Variants in LMO4 observed in about 807,000 individuals in gnomAD.
LMO4 encodes the protein LIM domain transcription factor LMO4.
Under a neutral mutation model 18.5 loss-of-function variants are expected in LMO4, and 3 were observed. That is an observed-to-expected ratio of 0.16 (90% CI 0.07 to 0.42). LMO4 has a LOEUF of 0.42. Among genes scored for constraint, LMO4 ranks in the 10% least tolerant of loss-of-function variants. LMO4 has a pLI of 0.99. For synonymous variants in LMO4, 100 were observed against 88.1 expected (o/e 1.14, Z -0.76); for missense variants, 121 against 219.9 (o/e 0.55, Z 2.84).
chr1:87,340,763 A>G (rs1277102786), intron 4 of LMO4, among the ~76,000 whole-genome samples: 1 of 152,202 alleles, frequency 6.6e-6, no homozygotes, highest in East Asian at 1.9e-4. Flanking sequence ...CATTTGAATA[A>G]GTTATGGCTT....
intron 2 of LMO4, among the ~76,000 whole-genome samples, chr1:87,338,107 C>G (rs1490842981): frequency 6.6e-6 from 1 of 152,234 alleles, no homozygotes; most frequent in Non-Finnish European, 1.5e-5. Flanking sequence ...GTCGTTCAGT[C>G]AATACATTTA....
intron 1 of LMO4, among the ~76,000 whole-genome samples, chr1:87,330,723 A>G (rs968021170): frequency 2.0e-5 from 3 of 152,164 alleles, no homozygotes; most frequent in Non-Finnish European, 2.9e-5. Context: ...TTGAGCAGAT[A>G]GCCGGGAGCC....
intron 1 of LMO4, among the ~76,000 whole-genome samples, chr1:87,329,552 G>T (rs568774109): frequency 6.6e-6 from 1 of 150,942 alleles, no homozygotes; most frequent in South Asian, 2.1e-4. Context: ...GGAAAGGCAA[G>T]GGGTGCTTAG....
chr1:87,336,487 C>T (rs1650317060), intron 2 of LMO4, among the ~76,000 whole-genome samples: 2 of 152,130 alleles, frequency 1.3e-5, no homozygotes, highest in Non-Finnish European at 2.9e-5. Flanking sequence ...TGATAGTAAA[C>T]TAAAAATACG....
At chr1:87,339,952 T>C (rs1650427034) in intron 3 of LMO4, 95 bp from the exon 4 acceptor site, 1 of 1,372,232 alleles carries the variant, frequency 7.3e-7, no homozygotes, top group South Asian at 1.3e-5. Context: ...TCTCTGTACT[T>C]GACAGATACC....
In LMO4 at chr1:87,347,218, T is replaced by C. The variant is rs1056859644; in HGVS notation, c.*2422T>C. ...AATCCACATGCAAGTGATGAAGCCT[T>C]CTCTTTGATGTGCTAAATTGGAGAA... On this transcript the variant is annotated 3_prime_UTR_variant, in exon 5 of 5. Transcript: ENST00000370544. 1 of 152,228 alleles carries C rather than the reference T, an allele frequency of 6.6e-6. No individual in the cohort carries two copies. Among genetic ancestry groups the C allele is most frequent in the Non-Finnish European group, 1.5e-5 (1 of 68,040 alleles). 9.4% of individuals were successfully genotyped at this position (152,228 alleles called of 1,614,324 possible).
intron 4 of LMO4, among the ~76,000 whole-genome samples, chr1:87,343,931 C>A (rs1570269828): frequency 6.6e-6 from 1 of 152,164 alleles, no homozygotes; most frequent in Non-Finnish European, 1.5e-5. Flanking sequence ...TGTATTATTT[C>A]ATTTTGGTAA....
intron 2 of LMO4, among the ~76,000 whole-genome samples, chr1:87,337,276 GA>G (rs1650343642): frequency 1.3e-5 from 2 of 152,126 alleles, no homozygotes; most frequent in African/African-American, 4.8e-5. Flanking sequence ...AGCAGCCCTG[GA>G]AAAAAATAAG....
chr1:87,334,334 C>T (rs1303210684), intron 2 of LMO4, among the ~76,000 whole-genome samples: 2 of 152,174 alleles, frequency 1.3e-5, no homozygotes, highest in Admixed American at 1.3e-4. Context: ...TCAGGGCTCA[C>T]CAGCAGCTGA....
At chr1:87,341,590 T>C (rs1010234739) in intron 4 of LMO4, among the ~76,000 whole-genome samples, 1 of 152,180 alleles carries the variant, frequency 6.6e-6, no homozygotes, top group African/African-American at 2.4e-5. Flanking sequence ...TTGAAAACTT[T>C]TAACCATTAA....
chr1:87,331,464 T>C (rs1435955342), intron 1 of LMO4, among the ~76,000 whole-genome samples: 1 of 152,130 alleles, frequency 6.6e-6, no homozygotes, highest in Non-Finnish European at 1.5e-5. Context: ...ATTTCCAACT[T>C]GTGAACTGCA....
At position 87,329,026 on chromosome 1, in the gene LMO4, A is replaced by T. The variant is rs2100770700; in HGVS notation, c.-222A>T. 1 of 150,032 alleles carries T rather than the reference A, an allele frequency of 6.7e-6. No homozygotes were observed. The highest frequency in any genetic ancestry group is 3.4e-3 in the Middle Eastern group (1 of 290). The allele number at this position is 150,032 out of a possible 1,614,324, so 9.3% of individuals were successfully genotyped here. A position where few individuals can be genotyped will look rare whatever the true frequency, so the allele number is the denominator to read the frequency against. ...ACACTTCTGCTCCCGGCCGCCCGGC[A>T]CTTACGCGGGGGCCCCCCAACCCGC... is the stretch of plus-strand genomic sequence containing the variant. On this transcript the variant is annotated 5_prime_UTR_variant, in exon 1 of 5. Coordinates refer to ENST00000370544, the MANE Select transcript of LMO4 (RefSeq NM_006769.4).
intron 1 of LMO4, 71 bp from the exon 2 acceptor site, chr1:87,331,942 C>A: frequency 1.6e-6 from 2 of 1,263,318 alleles, no homozygotes; most frequent in South Asian, 2.6e-5. Flanking sequence ...TGCTCTCTCT[C>A]CGGCGATTAC....
Position 87,347,774 on chromosome 1 carries a change from CCTAT to C in LMO4, c.*2982_*2985del, listed in dbSNP as rs1462935767. 2 of 152,148 alleles carry C rather than the reference CCTAT, an allele frequency of 1.3e-5. No individual in the cohort carries two copies. Among genetic ancestry groups the C allele is most frequent in the Non-Finnish European group, 2.9e-5 (2 of 68,018 alleles). 9.4% of individuals were successfully genotyped at this position (152,148 alleles called of 1,614,324 possible). The stretch of plus-strand genomic sequence containing the variant: ...CTCTAAAAGGGTTTAATGTTTTTTA[CCTAT>C]CTAACTGTCTAATTAGATTTACACA... On this transcript the variant is annotated 3_prime_UTR_variant, in exon 5 of 5. Transcript: ENST00000370544.
chr1:87,344,666 T>C (rs1391063278), intron 4 of LMO4, 122 bp from the exon 5 acceptor site: 2 of 961,442 alleles, frequency 2.1e-6, no homozygotes, highest in Non-Finnish European at 3.3e-6. Flanking sequence ...CAAGTCACAG[T>C]TGGAAAGTAA....
Position 87,347,742 on chromosome 1 carries a change from G to C in LMO4, c.*2946G>C, listed in dbSNP as rs1284105407. 6.6e-6 allele frequency: 1 copy of C among 152,166 alleles called. No homozygotes were observed. Among genetic ancestry groups the C allele is most frequent in the African/African-American group, 2.4e-5 (1 of 41,434 alleles). 9.4% of individuals were successfully genotyped at this position (152,166 alleles called of 1,614,324 possible). On this transcript the variant is annotated 3_prime_UTR_variant, in exon 5 of 5. Coordinates refer to ENST00000370544, the MANE Select transcript of LMO4 (RefSeq NM_006769.4). ...TGTTAATGAAACAATTTTGTAAAAA[G>C]ATAGTCCTCTAAAAGGGTTTAATGT...
At chr1:87,335,276 C>G (rs1244615808) in intron 2 of LMO4, among the ~76,000 whole-genome samples, 1 of 152,172 alleles carries the variant, frequency 6.6e-6, no homozygotes, top group South Asian at 2.1e-4. Context: ...GAAAGTGCAG[C>G]GAGAGGAGGA....
At chr1:87,337,871 C>T (rs1650356887) in intron 2 of LMO4, among the ~76,000 whole-genome samples, 1 of 152,204 alleles carries the variant, frequency 6.6e-6, no homozygotes, top group South Asian at 2.1e-4. Flanking sequence ...CCCAAGCTCC[C>T]ACATGGTGTG....
intron 2 of LMO4, among the ~76,000 whole-genome samples, chr1:87,335,871 G>GGAAA (rs1553157488): frequency 2.3e-5 from 3 of 129,892 alleles, no homozygotes; most frequent in Admixed American, 1.5e-4. Context: ...CTATTAGCTA[G>GGAAA]AAAAAAAAAA....
Sources: gnomAD v4.1 joint callset for allele counts (sites outside exome capture counted in the v4.1 genomes callset) on GRCh38, gnomAD v4.1.1 for gene constraint, MANE v1.5 for transcripts, NCBI Gene and HGNC (gene_info 2026-07-23, HGNC 2026-07-21) for gene names.